Variants in MGAT4C observed in about 807,000 individuals in gnomAD.
MGAT4C encodes the protein alpha-1,3-mannosyl-glycoprotein 4-beta-N-acetylglucosaminyltransferase C.
MGAT4C carries 19 observed loss-of-function variants against 40.1 expected under a neutral mutation model. The ratio of observed to expected loss-of-function variants is 0.47; its 90% CI spans 0.33 to 0.70. The LOEUF (loss-of-function observed/expected upper bound fraction) is 0.70, where lower values mean the gene tolerates loss of function less well. MGAT4C is among the 30% of genes least tolerant of loss of function. The pLI, the probability that MGAT4C is intolerant of heterozygous loss-of-function variation, is 0.02. For missense variants in MGAT4C, 491 were observed against 563.2 expected (o/e 0.87, Z 1.30); for synonymous variants, 181 against 187.1 (o/e 0.97, Z 0.27).
At chr12:86,681,074 G>A (rs1411307088) in intron 2 of MGAT4C, among the ~76,000 whole-genome samples, 5 of 151,682 alleles carry the variant, frequency 3.3e-5, no homozygotes, top group East Asian at 1.9e-4. Flanking sequence ...TCTATTACTC[G>A]TGGAAAATAA....
In MGAT4C at chr12:86,262,677, A is replaced by G. The variant is rs909358287; in HGVS notation, c.-57+71388T>C. Among the ~76,000 whole-genome samples the G allele has an allele frequency of 2.4e-4, 37 of 152,098 alleles. 1 individual carries two copies. The highest frequency in any genetic ancestry group is 8.7e-4 in the African/African-American group (36 of 41,458). On this transcript the variant is annotated intron_variant, in intron 4 of 7. Coordinates refer to the MGAT4C transcript ENST00000548651. The stretch of plus-strand genomic sequence containing the variant: ...TACATTCATATATAGATATTCTAGT[A>G]TACTACACAAAATATGCATATTAAA...
Position 85,979,179 on chromosome 12 carries a change from A to T in MGAT4C, c.*110T>A. ...ATAAATGAAAACTGCCAATGTAATT[A>T]ATGTTTCTTTTAACATATCCCATCC... On this transcript the variant is annotated 3_prime_UTR_variant, in exon 5 of 5. Transcript: ENST00000611864. 1 of 797,682 alleles carries T rather than the reference A, an allele frequency of 1.3e-6. No homozygotes were observed. The highest frequency in any genetic ancestry group is 1.9e-6 in the Non-Finnish European group (1 of 513,820). The allele number at this position is 797,682 out of a possible 1,614,324, so 49.4% of individuals were successfully genotyped here. A position where few individuals can be genotyped will look rare whatever the true frequency, so the allele number is the denominator to read the frequency against.
chr12:86,832,089 T>C (rs1206538599), intron 1 of MGAT4C, among the ~76,000 whole-genome samples: 2 of 151,556 alleles, frequency 1.3e-5, no homozygotes, highest in Admixed American at 6.6e-5. Context: ...CTACAAAAAA[T>C]ACTGTAGGCA....
chr12:86,264,377 CGTGTTT>C (rs761876596), intron 4 of MGAT4C, among the ~76,000 whole-genome samples: 3 of 151,916 alleles, frequency 2.0e-5, no homozygotes, highest in Non-Finnish European at 4.4e-5. Context: ...GGATAGGAGC[CGTGTTT>C]GTTTGTTTTT....
At chr12:86,702,137 T>G (rs1475515738) in intron 2 of MGAT4C, among the ~76,000 whole-genome samples, 1 of 151,606 alleles carries the variant, frequency 6.6e-6, no homozygotes, top group African/African-American at 2.4e-5. Context: ...TCCTCCCACC[T>G]CAGTCTCTCA....
intron 1 of MGAT4C, among the ~76,000 whole-genome samples, chr12:86,833,715 T>G (rs1952975933): frequency 6.6e-6 from 1 of 151,960 alleles, no homozygotes; most frequent in East Asian, 1.9e-4. Context: ...TATATGAAAT[T>G]TAGGGAGACG....
intron 1 of MGAT4C, among the ~76,000 whole-genome samples, chr12:86,113,688 A>C (rs191897340): frequency 6.6e-6 from 1 of 151,900 alleles, no homozygotes; most frequent in Non-Finnish European, 1.5e-5. Context: ...TCTGTATTCA[A>C]GAAACTTGGG....
intron 1 of MGAT4C, among the ~76,000 whole-genome samples, chr12:86,778,364 C>T (rs10858482): frequency 0.32 from 48,780 of 152,000 alleles, 9,633 homozygotes; most frequent in Admixed American, 0.46. Context: ...ATGCATTCTA[C>T]AAAAGACACA....
Position 85,989,525 on chromosome 12 carries a change from T to A in MGAT4C, c.22A>T (p.Lys8Ter), listed in dbSNP as rs762868613. The A allele has an allele frequency of 6.2e-7, 1 of 1,605,254 alleles. No homozygotes were observed. The highest frequency in any genetic ancestry group is 8.5e-7 in the Non-Finnish European group (1 of 1,175,526). ...TTATCAAGTATTTCAAAAATATGTT[T>A]CATTTGATGAAATTTAAACATTCTC... MFKFHQM[K>*]HIFEILDKMR... Residue 8 changes from lysine to a stop codon, truncating the protein, a stop_gained, in exon 3 of 5, where the codon AAA becomes TAA. Coordinates refer to ENST00000611864, the MANE Select transcript of MGAT4C (RefSeq NM_001351288.2). LOFTEE classifies it high-confidence loss of function.
chr12:86,349,831 G>A (rs1955120972), intron 3 of MGAT4C, among the ~76,000 whole-genome samples: 1 of 151,866 alleles, frequency 6.6e-6, no homozygotes, highest in Non-Finnish European at 1.5e-5. Context: ...ATTATCTGTT[G>A]CCAGTCAATA....
At chr12:86,189,912 A>C (rs566521105) in intron 1 of MGAT4C, among the ~76,000 whole-genome samples, 4 of 152,184 alleles carry the variant, frequency 2.6e-5, no homozygotes, top group East Asian at 1.9e-4. Context: ...GATAATTCTC[A>C]AAAGGATCTC....
At chr12:86,712,560 C>A (rs187888568) in intron 2 of MGAT4C, among the ~76,000 whole-genome samples, 1 of 152,168 alleles carries the variant, frequency 6.6e-6, no homozygotes, top group East Asian at 1.9e-4. Flanking sequence ...AGCATTTATG[C>A]CATCTGATGT....
At chr12:86,316,166 A>C (rs1227726459) in intron 4 of MGAT4C, among the ~76,000 whole-genome samples, 1 of 142,278 alleles carries the variant, frequency 7.0e-6, no homozygotes, top group East Asian at 2.2e-4. Flanking sequence ...CCACAATGAG[A>C]GACACCATCT....
chr12:86,510,898 T>C (rs1006416152), intron 2 of MGAT4C, among the ~76,000 whole-genome samples: 1 of 151,658 alleles, frequency 6.6e-6, no homozygotes, highest in Non-Finnish European at 1.5e-5. Flanking sequence ...AATGGGAGAC[T>C]TTAACACCCC....
chr12:86,177,689 C>T (rs1388376355), intron 1 of MGAT4C, among the ~76,000 whole-genome samples: 1 of 151,846 alleles, frequency 6.6e-6, no homozygotes, highest in Non-Finnish European at 1.5e-5. Flanking sequence ...AATTACTATG[C>T]TGAAAAGGGA....
chr12:86,821,398 A>T (rs1039211488), intron 1 of MGAT4C, among the ~76,000 whole-genome samples: 1 of 150,874 alleles, frequency 6.6e-6, no homozygotes, highest in Non-Finnish European at 1.5e-5. Flanking sequence ...ATACTTATGG[A>T]GTATGTGCAA....
rs1883661764 is a variant in MGAT4C, at chr12:85,972,347, TATAG to T, written c.*6938_*6941del. The T allele has an allele frequency of 1.3e-5, 2 of 151,252 alleles. No homozygotes were observed. Among genetic ancestry groups the T allele is most frequent in the South Asian group, 2.1e-4 (1 of 4,826 alleles). 9.4% of individuals were successfully genotyped at this position (151,252 alleles called of 1,614,324 possible). ...ATGTACTTCTACACACAGCTAAGCTTATAGATATTTTCATTTAAAGAAAAACTAT... is the reference window on the plus strand; with the variant it reads ...ATGTACTTCTACACACAGCTAAGCTTATATTTTCATTTAAAGAAAAACTAT... On this transcript the variant is annotated 3_prime_UTR_variant, in exon 5 of 5. Coordinates refer to ENST00000611864, the MANE Select transcript of MGAT4C (RefSeq NM_001351288.2).
intron 2 of MGAT4C, among the ~76,000 whole-genome samples, chr12:86,651,598 T>A (rs755792293): frequency 1.3e-5 from 2 of 151,918 alleles, no homozygotes; most frequent in East Asian, 3.9e-4. Flanking sequence ...TATGACCTAA[T>A]GATCACTTTT....
At chr12:86,607,133 T>C (rs921163582) in intron 2 of MGAT4C, among the ~76,000 whole-genome samples, 11 of 152,064 alleles carry the variant, frequency 7.2e-5, no homozygotes, top group African/African-American at 2.7e-4. Flanking sequence ...CATACTTTTT[T>C]CCCTTTTCAT....
Sources: gnomAD v4.1 joint callset for allele counts (sites outside exome capture counted in the v4.1 genomes callset) on GRCh38, gnomAD v4.1.1 for gene constraint, MANE v1.5 for transcripts, NCBI Gene and HGNC (gene_info 2026-07-23, HGNC 2026-07-21) for gene names.